The following TMEM200C variants were observed in gnomAD, a reference collection of about 807,000 sequenced individuals.
The protein encoded by TMEM200C is transmembrane protein 200C.
For synonymous variants in TMEM200C, 462 were observed against 324.7 expected (o/e 1.42, Z -4.55); for missense variants, 966 against 699.9 (o/e 1.38, Z -4.29).
At chr18:5,884,035 G>C (rs1265815459) in exon 3 of TMEM200C, 2 of 152,074 alleles carry the variant, frequency 1.3e-5, no homozygotes, top group Non-Finnish European at 2.9e-5. Flanking sequence ...AGTTAAAAAT[G>C]AATCATTAAA....
exon 3 of TMEM200C, chr18:5,883,416 T>C (rs757638566): frequency 1.3e-5 from 2 of 152,136 alleles, no homozygotes; most frequent in Non-Finnish European, 2.9e-5. Flanking sequence ...ACTTTGCTAT[T>C]CTGGCCAAAT....
At chr18:5,886,774 G>A (rs937027151) in exon 3 of TMEM200C, 2 of 151,776 alleles carry the variant, frequency 1.3e-5, no homozygotes, top group Admixed American at 6.6e-5. Flanking sequence ...TGAAGACCCA[G>A]TTATAATGTT....
exon 3 of TMEM200C, chr18:5,890,879 C>A: frequency 1.5e-6 from 1 of 682,956 alleles, no homozygotes; most frequent in Non-Finnish European, 2.7e-6. Flanking sequence ...AGCTCGCGCC[C>A]TCCGCGTCCC....
At chr18:5,894,658 G>C (rs2095174195) in intron 2 of TMEM200C, among the ~76,000 whole-genome samples, 7 of 152,212 alleles carry the variant, frequency 4.6e-5, no homozygotes, top group Admixed American at 4.6e-4. Flanking sequence ...GATCCCACAG[G>C]CTGGGAGCGC....
rs1024778975 is a variant in TMEM200C at position 5,891,239 on chromosome 18, C to G, written c.825G>C (p.Ala275=). Residue 275 remains alanine (A), a synonymous_variant, in exon 3 of 3, where the codon GCG becomes GCC. Transcript: ENST00000581347. The surrounding 1 kb of genome is among the most constrained non-coding windows in gnomAD (Gnocchi z 4.7). ...ACGAGCCCTTGGCCAGCATCGCCGC[C>G]GCTCCGAAGGCGTCCCCGGAGCCAC... is the stretch of plus-strand genomic sequence containing the variant. The G allele has an allele frequency of 7.4e-7, 1 of 1,346,916 alleles. No homozygotes were observed. The highest frequency in any genetic ancestry group is 9.6e-7 in the Non-Finnish European group (1 of 1,038,538). The allele number at this position is 1,346,916 out of a possible 1,614,324, so 83.4% of individuals were successfully genotyped here.
chr18:5,893,674 G>A (rs952785463), intron 2 of TMEM200C, among the ~76,000 whole-genome samples: 2 of 152,190 alleles, frequency 1.3e-5, no homozygotes, highest in Non-Finnish European at 2.9e-5. Context: ...TTTAATTGGT[G>A]ATTGGGTGAA....
At chr18:5,882,203 C>G (rs944368050) in exon 3 of TMEM200C, 1 of 152,126 alleles carries the variant, frequency 6.6e-6, no homozygotes, top group Admixed American at 6.5e-5. Flanking sequence ...ACTCATGGCC[C>G]TAATCATGTC....
Position 5,891,327 on chromosome 18 carries a change from G to T in TMEM200C, c.737C>A (p.Pro246Gln). 1 of 1,369,096 alleles carries T rather than the reference G, an allele frequency of 7.3e-7. No homozygotes were observed. 84.8% of individuals were successfully genotyped at this position (1,369,096 alleles called of 1,614,324 possible). A position where few individuals can be genotyped will look rare whatever the true frequency, so the allele number is the denominator to read the frequency against. The change falls in exon 3 of 3, where the codon CCG (proline) becomes CAG (glutamine). Residue 246 changes from proline to glutamine, a missense_variant. Coordinates refer to ENST00000581347, the Ensembl canonical transcript of TMEM200C. This position sits in a 1 kb window ranked among gnomAD's most constrained non-coding sequence, Gnocchi z 4.7. Reference sequence around the variant, plus strand: ...CACGTAGCTGAGGAAGCCGTTGAGCGGTATGGCCCCGGGGGGCGCCGCGGC... The same window carrying T: ...CACGTAGCTGAGGAAGCCGTTGAGCTGTATGGCCCCGGGGGGCGCCGCGGC...
At chr18:5,892,195 T>A in intron 2 of TMEM200C, 38 bp from the exon 2 acceptor site, 1 of 899,334 alleles carries the variant, frequency 1.1e-6, no homozygotes, top group Non-Finnish European at 1.6e-6. Context: ...GGTGTCAGCT[T>A]GGCTGCAGTG....
chr18:5,891,290 G>C lies in TMEM200C; in HGVS notation c.774C>G (p.Gly258=), dbSNP rs1442334359. The C allele has an allele frequency of 1.4e-6, 2 of 1,413,804 alleles. No homozygotes were observed. The highest frequency in any genetic ancestry group is 3.0e-5 in the African/African-American group (2 of 66,674). 87.6% of individuals were successfully genotyped at this position (1,413,804 alleles called of 1,614,324 possible). The stretch of plus-strand genomic sequence containing the variant: ...CGCAGCCCCCGGGCTTCAGCTCCAG[G>C]CCCCGCGACTGCACGTAGCTGAGGA... Residue 258 remains glycine (G), a synonymous_variant, in exon 3 of 3, where the codon GGC becomes GGG. Transcript: ENST00000581347. The surrounding 1 kb of genome is among the most constrained non-coding windows in gnomAD (Gnocchi z 4.7).
chr18:5,887,655 A>G (rs954580630), exon 3 of TMEM200C: 1 of 152,198 alleles, frequency 6.6e-6, no homozygotes, highest in Non-Finnish European at 1.5e-5. Flanking sequence ...ATCCTACTTC[A>G]ATAGAGTTGC....
At chr18:5,890,875 C>A in exon 3 of TMEM200C, 1 of 682,674 alleles carries the variant, frequency 1.5e-6, no homozygotes, top group Non-Finnish European at 2.7e-6. Flanking sequence ...CTGCAGCTCG[C>A]GCCCTCCGCG....
At chr18:5,882,772 A>G (rs946363002) in exon 3 of TMEM200C, 3 of 152,192 alleles carry the variant, frequency 2.0e-5, no homozygotes, top group African/African-American at 7.2e-5. Flanking sequence ...AGCAAGATTA[A>G]TAAATCAAGA....
chr18:5,892,422 TCTC>T (rs1840664184), intron 2 of TMEM200C, among the ~76,000 whole-genome samples: 1 of 152,152 alleles, frequency 6.6e-6, no homozygotes, highest in South Asian at 2.1e-4. Context: ...TATGCCTTCT[TCTC>T]CTCGCTCCCC....
intron 2 of TMEM200C, among the ~76,000 whole-genome samples, chr18:5,894,680 C>G (rs1051248426): frequency 1.3e-5 from 2 of 152,188 alleles, no homozygotes; most frequent in Admixed American, 6.5e-5. Context: ...GTGCTGTGCC[C>G]GGTACCCAAC....
At chr18:5,895,383 C>T (rs992387865) in exon 2 of TMEM200C, 1 of 151,388 alleles carries the variant, frequency 6.6e-6, no homozygotes, top group African/African-American at 2.4e-5. Context: ...GCGCCGCCGG[C>T]CCTCGCGCCT....
exon 3 of TMEM200C, chr18:5,885,602 G>T (rs1165961428): frequency 2.0e-5 from 3 of 152,214 alleles, no homozygotes; most frequent in African/African-American, 7.2e-5. Context: ...CTAGCACAGT[G>T]CTTTTCTGAT....
chr18:5,883,689 G>A (rs910583378), exon 3 of TMEM200C: 6 of 152,130 alleles, frequency 3.9e-5, no homozygotes, highest in Admixed American at 1.3e-4. Flanking sequence ...CAGTTATCAT[G>A]TGTAGATTCT....
exon 3 of TMEM200C, chr18:5,890,866 T>C (rs543455233): frequency 4.4e-6 from 3 of 682,026 alleles, no homozygotes; most frequent in African/African-American, 1.8e-5. Flanking sequence ...CTCTGCCAGC[T>C]GCAGCTCGCG....
Sources: allele counts gnomAD v4.1 joint callset (sites outside exome capture counted in the v4.1 genomes callset), GRCh38; gene constraint gnomAD v4.1.1; non-coding constraint Gnocchi (gnomAD v3.1); transcripts MANE v1.5; gene names NCBI Gene and HGNC (gene_info 2026-07-23, HGNC 2026-07-21).